The following EXOC2 variants were observed in gnomAD, a reference collection of about 807,000 sequenced individuals.
The protein encoded by EXOC2 is exocyst complex component 2.
Under a neutral mutation model 131.8 loss-of-function variants are expected in EXOC2, and 70 were observed. The observed-to-expected ratio is 0.53, with a 90% CI of 0.44 to 0.65. The LOEUF is 0.65. EXOC2 is among the 30% of genes least tolerant of loss of function. The pLI is 0.00. For missense variants in EXOC2, 923 were observed against 1,108.6 expected (o/e 0.83, Z 2.38); for synonymous variants, 411 against 398.4 (o/e 1.03, Z -0.38).
At chr6:491,829 G>A (rs758944631) in intron 25 of EXOC2, among the ~76,000 whole-genome samples, 1 of 152,134 alleles carries the variant, frequency 6.6e-6, no homozygotes, top group Non-Finnish European at 1.5e-5. Flanking sequence ...ATACTCCAAA[G>A]CTAAAATATA....
rs561546518 is a variant in EXOC2, at chr6:595,337, A to G, written c.1073+2684T>C. The stretch of plus-strand genomic sequence containing the variant: ...TTGATGCTCATAAATTTCAAAGTCC[A>G]ACAGGTATTTGACCTGGTTCTGATC... On this transcript the variant is annotated intron_variant, in intron 10 of 27. Transcript: ENST00000230449. Among the ~76,000 whole-genome samples, 3 of 152,196 alleles carry G rather than the reference A, an allele frequency of 2.0e-5. No homozygotes were observed. The East Asian group carries it at 5.8e-4, about 29-fold the overall frequency.
At chr6:618,297 T>TC (rs1761113824) in intron 5 of EXOC2, among the ~76,000 whole-genome samples, 1 of 152,206 alleles carries the variant, frequency 6.6e-6, no homozygotes, top group Non-Finnish European at 1.5e-5. Flanking sequence ...CAGTATCCAG[T>TC]CCTCTGTCCT....
chr6:588,220 A>C (rs553303041), intron 11 of EXOC2, among the ~76,000 whole-genome samples: 3 of 152,378 alleles, frequency 2.0e-5, no homozygotes, highest in Non-Finnish European at 4.4e-5. Flanking sequence ...AGCAGTGTTT[A>C]CTGACAATGA....
chr6:497,394 T>G lies in EXOC2; in HGVS notation c.2532A>C (p.Ser844=). 1 of 1,613,984 alleles carries G rather than the reference T, an allele frequency of 6.2e-7. No individual in the cohort carries two copies. Among genetic ancestry groups the G allele is most frequent in the Non-Finnish European group, 8.5e-7 (1 of 1,179,944 alleles). The change falls in exon 25 of 28, where the codon TCA becomes TCC. Residue 844 remains serine, a synonymous_variant. Coordinates refer to ENST00000230449, the MANE Select transcript of EXOC2 (RefSeq NM_018303.6). ...EELSRLMQCV[S]SFSKNGALQA... The stretch of plus-strand genomic sequence containing the variant: ...GTAAAGCTCCATTTTTGCTGAAGGA[T>G]GAAACACACTGCATCAGTCGACTGA...
rs566073051 is a variant in EXOC2, at chr6:485,697, C to A, written c.*974G>T. ...GTCTACAGCTCCCATTGCCTGGTGA[C>A]CAAGGAGCATCCTGAAGTTTCAGAG... On this transcript the variant is annotated 3_prime_UTR_variant, in exon 28 of 28. Coordinates refer to ENST00000230449, the MANE Select transcript of EXOC2 (RefSeq NM_018303.6). 6.6e-6 allele frequency: 1 copy of A among 152,208 alleles called. No homozygotes were observed. The highest frequency in any genetic ancestry group is 1.9e-4 in the East Asian group (1 of 5,202). The allele number at this position is 152,208 out of a possible 1,614,324, so 9.4% of individuals were successfully genotyped here. A position where few individuals can be genotyped will look rare whatever the true frequency, so the allele number is the denominator to read the frequency against.
chr6:655,376 G>A (rs1188753534), intron 1 of EXOC2, among the ~76,000 whole-genome samples: 3 of 152,196 alleles, frequency 2.0e-5, no homozygotes, highest in Non-Finnish European at 4.4e-5. Flanking sequence ...ACAGACTACA[G>A]TATAATGCAA....
intron 17 of EXOC2, among the ~76,000 whole-genome samples, chr6:557,764 G>C (rs527636559): frequency 6.6e-6 from 1 of 152,214 alleles, no homozygotes; most frequent in African/African-American, 2.4e-5. Flanking sequence ...CCAGCCCTTT[G>C]AAGGAACAGG....
intron 22 of EXOC2, among the ~76,000 whole-genome samples, chr6:537,119 G>C (rs1241876559): frequency 6.6e-6 from 1 of 152,202 alleles, no homozygotes; most frequent in African/African-American, 2.4e-5. Context: ...GTAATATTAA[G>C]TGTTGGCTAG....
At chr6:544,292 T>C (rs939681684) in intron 22 of EXOC2, among the ~76,000 whole-genome samples, 5 of 152,166 alleles carry the variant, frequency 3.3e-5, no homozygotes, top group Non-Finnish European at 7.3e-5. Flanking sequence ...ATTGGGGAGG[T>C]AGCACTTTGT....
At chr6:564,396 A>T in intron 15 of EXOC2, 149 bp downstream of exon 15, 1 of 1,206,466 alleles carries the variant, frequency 8.3e-7, no homozygotes, top group Non-Finnish European at 1.2e-6. Flanking sequence ...TGAGGAGCTT[A>T]GCTGTCAGAT....
intron 10 of EXOC2, among the ~76,000 whole-genome samples, chr6:592,976 G>C (rs1433320198): frequency 6.6e-6 from 1 of 152,148 alleles, no homozygotes; most frequent in Non-Finnish European, 1.5e-5. Flanking sequence ...GTTGCAATGA[G>C]CTGAGATCTC....
intron 23 of EXOC2, among the ~76,000 whole-genome samples, chr6:523,961 G>A (rs1259395839): frequency 6.6e-6 from 1 of 152,190 alleles, no homozygotes; most frequent in Non-Finnish European, 1.5e-5. Context: ...TGTGGGTGGG[G>A]TGCAGAGCTG....
At chr6:509,148 C>T (rs1011694612) in intron 23 of EXOC2, among the ~76,000 whole-genome samples, 1 of 152,186 alleles carries the variant, frequency 6.6e-6, no homozygotes, top group Non-Finnish European at 1.5e-5. Context: ...TACGTATCTA[C>T]CTTATAATTT....
intron 11 of EXOC2, among the ~76,000 whole-genome samples, chr6:579,686 G>A (rs1581481789): frequency 6.6e-6 from 1 of 151,962 alleles, no homozygotes; most frequent in Non-Finnish European, 1.5e-5. Flanking sequence ...TAGAGAATTA[G>A]AAAGCTTATG....
At chr6:584,668 G>A (rs1335256058) in intron 11 of EXOC2, among the ~76,000 whole-genome samples, 2 of 152,212 alleles carry the variant, frequency 1.3e-5, no homozygotes, top group Admixed American at 6.5e-5. Context: ...AAGAGAACCT[G>A]AGCCAGGTAT....
intron 25 of EXOC2, among the ~76,000 whole-genome samples, chr6:496,984 A>C (rs1040200898): frequency 2.6e-5 from 4 of 152,372 alleles, no homozygotes; most frequent in South Asian, 2.1e-4. Context: ...CAAAAGAGAC[A>C]GTTATTTGTT....
At chr6:503,230 T>G (rs893552779) in intron 23 of EXOC2, among the ~76,000 whole-genome samples, 42 of 152,032 alleles carry the variant, frequency 2.8e-4, no homozygotes, top group African/African-American at 9.9e-4. Flanking sequence ...CTAAAAGTTC[T>G]CATTCATTCA....
chr6:555,973 A>G lies in EXOC2; in HGVS notation c.1973T>C (p.Leu658Pro). 1 of 1,614,174 alleles carries G rather than the reference A, an allele frequency of 6.2e-7. No homozygotes were observed. Residue 658 changes from leucine (L) to proline (P), a missense_variant, in exon 19 of 28, where the codon CTA becomes CCA. Coordinates refer to ENST00000230449, the MANE Select transcript of EXOC2 (RefSeq NM_018303.6). ...QPKTQEEVCQ[L>P]SINIMQVFIY... ...TATTACCTGCATTATATTGATGCTTAGCTGGCAAACCTCCTCCTGTGTTTT... is the reference window on the plus strand; with the variant it reads ...TATTACCTGCATTATATTGATGCTTGGCTGGCAAACCTCCTCCTGTGTTTT...
chr6:584,681 A>AT (rs1759102836), intron 11 of EXOC2, among the ~76,000 whole-genome samples: 4 of 152,362 alleles, frequency 2.6e-5, no homozygotes, highest in Admixed American at 1.3e-4. Flanking sequence ...CCAGGTATAA[A>AT]TGTCTTTTCT....
Sources: gnomAD v4.1 joint callset for allele counts (sites outside exome capture counted in the v4.1 genomes callset) on GRCh38, gnomAD v4.1.1 for gene constraint, MANE v1.5 for transcripts, NCBI Gene and HGNC (gene_info 2026-07-23, HGNC 2026-07-21) for gene names.